The following NDE1 variants were observed in gnomAD, a reference collection of about 807,000 sequenced individuals.
NDE1 encodes the protein nuclear distribution protein nudE homolog 1.
Under a neutral mutation model 43.4 loss-of-function variants are expected in NDE1, and 28 were observed. The ratio of observed to expected loss-of-function variants is 0.65; its 90% CI spans 0.48 to 0.89. The LOEUF (loss-of-function observed/expected upper bound fraction) is 0.89. NDE1 is among the 40% of genes least tolerant of loss of function. NDE1 has a pLI of 0.00. For missense variants in NDE1, 441 were observed against 434.1 expected (o/e 1.02, Z -0.14); for synonymous variants, 184 against 172.0 (o/e 1.07, Z -0.55).
intron 3 of NDE1, among the ~76,000 whole-genome samples, chr16:15,673,070 C>T (rs943361902): frequency 2.6e-5 from 4 of 152,188 alleles, no homozygotes; most frequent in Admixed American, 1.3e-4. Context: ...TGGGTGCATC[C>T]GGACTTTCTA....
intron 1 of NDE1, among the ~76,000 whole-genome samples, chr16:15,652,663 TTTTG>T (rs1414392815): frequency 2.0e-5 from 3 of 152,056 alleles, no homozygotes; most frequent in Non-Finnish European, 4.4e-5. Flanking sequence ...TTGTCCAAGT[TTTTG>T]TTTGTTTGTT....
rs909433485 is a variant in NDE1, at chr16:15,725,987, C to G, written c.*1736C>G. 3.1e-6 allele frequency: 1 copy of G among 319,382 alleles called. No individual in the cohort carries two copies. Among genetic ancestry groups the G allele is most frequent in the Non-Finnish European group, 5.7e-6 (1 of 176,158 alleles). 19.8% of individuals were successfully genotyped at this position (319,382 alleles called of 1,614,324 possible). On this transcript the variant is annotated 3_prime_UTR_variant, in exon 9 of 9. Coordinates refer to ENST00000396354, the MANE Select transcript of NDE1 (RefSeq NM_017668.3). ...CTACCCCCAACCCCAGCTGGGCACT[C>G]CAGCTCTACTGGCTGTATGTCTCTC...
At chr16:15,654,886 G>C (rs1327671484) in intron 1 of NDE1, among the ~76,000 whole-genome samples, 2 of 151,258 alleles carry the variant, frequency 1.3e-5, no homozygotes, top group Admixed American at 6.6e-5. Flanking sequence ...TTTTTGAAAT[G>C]TCTAGCACAC....
At chr16:15,652,268 G>T (rs1349609181) in intron 1 of NDE1, among the ~76,000 whole-genome samples, 2 of 152,042 alleles carry the variant, frequency 1.3e-5, no homozygotes, top group African/African-American at 4.8e-5. Context: ...TCAAATTCCT[G>T]GGCTCAAGCA....
At chr16:15,717,104 C>G (rs779050872) in intron 8 of NDE1, 71 of 1,606,958 alleles carry the variant, frequency 4.4e-5, no homozygotes, top group Non-Finnish European at 5.7e-5. Context: ...CCATCACCCC[C>G]CTGCAAACTG....
chr16:15,699,707 AT>A (rs1209112866), intron 8 of NDE1: 1 of 1,346,626 alleles, frequency 7.4e-7, no homozygotes, highest in Admixed American at 1.9e-5. Context: ...TGTCAGCTTA[AT>A]TTGGTTTGCT....
chr16:15,699,535 C>T (rs1463893016), intron 8 of NDE1: 11 of 1,183,538 alleles, frequency 9.3e-6, no homozygotes, highest in South Asian at 6.3e-5. Flanking sequence ...TGAGACTGGG[C>T]GTTTTGTGTG....
At chr16:15,717,305 G>C in intron 8 of NDE1, 1 of 1,612,078 alleles carries the variant, frequency 6.2e-7, no homozygotes, top group African/African-American at 1.3e-5. Flanking sequence ...ATTCTTCTGG[G>C]CCGTGCTGCG....
chr16:15,721,454 G>A lies in NDE1; in HGVS notation c.948-2737G>A, dbSNP rs2151210506. ...CCCACGTCATCCTTGGAGCTGACCA[G>A]GTCTTCCATTTCGGCTTTGAGCATT... On this transcript the variant is annotated intron_variant, in intron 8 of 8. Transcript: ENST00000396354. 2 of 1,614,224 alleles carry A rather than the reference G, an allele frequency of 1.2e-6. No individual in the cohort carries two copies. The highest frequency in any genetic ancestry group is 1.7e-6 in the Non-Finnish European group (2 of 1,180,050).
At chr16:15,710,070 A>G (rs1369001071) in intron 8 of NDE1, among the ~76,000 whole-genome samples, 1 of 152,236 alleles carries the variant, frequency 6.6e-6, no homozygotes, top group African/African-American at 2.4e-5. Context: ...GTGCACCCAA[A>G]AGATGCAGAA....
At chr16:15,676,638 C>A (rs537444141) in intron 3 of NDE1, among the ~76,000 whole-genome samples, 1 of 152,172 alleles carries the variant, frequency 6.6e-6, no homozygotes, top group South Asian at 2.1e-4. Context: ...GCTGCCCTCC[C>A]ATTGTTGTGG....
intron 8 of NDE1, among the ~76,000 whole-genome samples, chr16:15,705,279 G>T (rs531609636): frequency 6.6e-6 from 1 of 152,310 alleles, no homozygotes; most frequent in African/African-American, 2.4e-5. Flanking sequence ...AGTGCACCTG[G>T]CCTCTGAGGT....
At chr16:15,661,870 C>G (rs1325134944) in intron 1 of NDE1, among the ~76,000 whole-genome samples, 1 of 152,076 alleles carries the variant, frequency 6.6e-6, no homozygotes, top group South Asian at 2.1e-4. Flanking sequence ...CATAATTCAT[C>G]AAGTTCTGGT....
intron 8 of NDE1, chr16:15,711,089 C>T (rs2039765041): frequency 6.6e-6 from 1 of 152,248 alleles, no homozygotes; most frequent in South Asian, 2.1e-4. Flanking sequence ...CTCTCCTATC[C>T]ATGGGGGACC....
At chr16:15,715,684 G>T (rs564938673) in intron 8 of NDE1, among the ~76,000 whole-genome samples, 14 of 152,242 alleles carry the variant, frequency 9.2e-5, no homozygotes, top group African/African-American at 3.1e-4. Context: ...GAGTGCAGTG[G>T]TGCTCCAATG....
At chr16:15,720,991 G>C (rs764170491) in intron 8 of NDE1, 10 of 1,613,988 alleles carry the variant, frequency 6.2e-6, no homozygotes, top group African/African-American at 1.3e-5. Flanking sequence ...TCTTCCAGCT[G>C]CGTCTTCATC....
intron 4 of NDE1, among the ~76,000 whole-genome samples, chr16:15,681,956 C>G (rs1236065787): frequency 1.3e-5 from 2 of 152,124 alleles, no homozygotes; most frequent in Non-Finnish European, 2.9e-5. Flanking sequence ...AGTCAGATTT[C>G]TTAGTCATAG....
chr16:15,660,393 C>T (rs1387285323), intron 1 of NDE1, among the ~76,000 whole-genome samples: 4 of 152,040 alleles, frequency 2.6e-5, no homozygotes, highest in East Asian at 1.9e-4. Context: ...GGATCAGTGC[C>T]GCCTAGGAGT....
chr16:15,710,534 A>G (rs1400218156), intron 8 of NDE1, among the ~76,000 whole-genome samples: 4 of 147,032 alleles, frequency 2.7e-5, no homozygotes, highest in African/African-American at 1.1e-4. Context: ...TAAATAATAA[A>G]AAGAAAAGAA....
Sources: allele counts gnomAD v4.1 joint callset (sites outside exome capture counted in the v4.1 genomes callset), GRCh38; gene constraint gnomAD v4.1.1; transcripts MANE v1.5; gene names NCBI Gene and HGNC (gene_info 2026-07-23, HGNC 2026-07-21).